ARHGAP42: variants seen among roughly 807,000 people sequenced by gnomAD.
ARHGAP42 encodes the protein rho GTPase-activating protein 42.
ARHGAP42 carries 63 observed loss-of-function variants against 125.0 expected under a neutral mutation model. That is an observed-to-expected ratio of 0.50 (90% CI 0.41 to 0.62). ARHGAP42 has a LOEUF of 0.62. ARHGAP42 is among the 20% of genes least tolerant of loss of function. ARHGAP42 has a pLI of 0.00. For missense variants in ARHGAP42, 766 were observed against 1,024.2 expected (o/e 0.75, Z 3.44); for synonymous variants, 339 against 351.0 (o/e 0.97, Z 0.38).
At chr11:100,978,801 T>C (rs1858457675) in intron 21 of ARHGAP42, among the ~76,000 whole-genome samples, 186 bp from the exon 22 acceptor site, 1 of 152,186 alleles carries the variant, frequency 6.6e-6, no homozygotes, top group Non-Finnish European at 1.5e-5. Flanking sequence ...TGGTACTCTG[T>C]AAGCTGGAGG....
chr11:100,727,262 T>A (rs1861878394), intron 1 of ARHGAP42, among the ~76,000 whole-genome samples: 1 of 152,240 alleles, frequency 6.6e-6, no homozygotes. Context: ...ATATGTGATA[T>A]AATTTAAATA....
chr11:100,770,470 C>A, intron 2 of ARHGAP42, 32 bp downstream of exon 2: 1 of 1,385,244 alleles, frequency 7.2e-7, no homozygotes. Context: ...AGTTCTATTA[C>A]TAATATTTAT....
At chr11:100,712,695 A>G (rs749043456) in intron 1 of ARHGAP42, among the ~76,000 whole-genome samples, 25 of 152,146 alleles carry the variant, frequency 1.6e-4, no homozygotes, top group Admixed American at 4.6e-4. Flanking sequence ...GGGTGAGGGA[A>G]GGAGTTAATG....
intron 1 of ARHGAP42, among the ~76,000 whole-genome samples, chr11:100,704,123 C>CA (rs1394147213): frequency 6.6e-6 from 1 of 152,132 alleles, no homozygotes; most frequent in Non-Finnish European, 1.5e-5. Context: ...TCAGTGAGAA[C>CA]ATTGAATTGA....
chr11:100,928,906 C>T (rs1025723363), intron 6 of ARHGAP42, among the ~76,000 whole-genome samples: 4 of 152,116 alleles, frequency 2.6e-5, no homozygotes, highest in Admixed American at 6.5e-5. Context: ...TACTCAGATG[C>T]GGTTTTCGAG....
chr11:100,976,789 C>T, intron 20 of ARHGAP42, 26 bp from the exon 21 acceptor site: 1 of 1,548,378 alleles, frequency 6.5e-7, no homozygotes, highest in Admixed American at 2.0e-5. Context: ...TAGCACCTTG[C>T]CTATTTTCTT....
At chr11:100,760,750 G>A (rs1862682483) in intron 1 of ARHGAP42, among the ~76,000 whole-genome samples, 1 of 151,884 alleles carries the variant, frequency 6.6e-6, no homozygotes, top group Admixed American at 6.6e-5. Context: ...AACCACAAAT[G>A]TATATGACAC....
At chr11:100,734,746 G>A (rs1862029817) in intron 1 of ARHGAP42, among the ~76,000 whole-genome samples, 1 of 152,178 alleles carries the variant, frequency 6.6e-6, no homozygotes, top group African/African-American at 2.4e-5. Context: ...GAACCAATGT[G>A]ACTTTCTTCT....
intron 4 of ARHGAP42, among the ~76,000 whole-genome samples, chr11:100,887,189 G>A (rs932806844): frequency 6.6e-6 from 1 of 152,158 alleles, no homozygotes; most frequent in South Asian, 2.1e-4. Flanking sequence ...AAAATACTAA[G>A]CATTAAGTTC....
At chr11:100,790,497 G>A (rs1318326551) in intron 2 of ARHGAP42, among the ~76,000 whole-genome samples, 1 of 152,184 alleles carries the variant, frequency 6.6e-6, no homozygotes, top group Non-Finnish European at 1.5e-5. Context: ...TCATGCTCCA[G>A]TTGGACAGGA....
In ARHGAP42 at chr11:100,776,173, G is replaced by T. The variant is rs962341028; in HGVS notation, c.250+5735G>T. On this transcript the variant is annotated intron_variant, in intron 2 of 23. Coordinates refer to ENST00000298815, the MANE Select transcript of ARHGAP42 (RefSeq NM_152432.4). ...AAACTCCATTTCAAAAAAAAAAAAA[G>T]TTAGATATTGTTAGTCAAACTGAAC... Among the ~76,000 whole-genome samples the T allele has an allele frequency of 5.0e-5, 7 of 141,030 alleles. No homozygotes were observed. The Admixed American group carries it at 5.0e-4, about 10-fold the overall frequency. 92.5% of individuals were successfully genotyped at this position (141,030 alleles called of 152,430 possible). A position where few individuals can be genotyped will look rare whatever the true frequency, so the allele number is the denominator to read the frequency against.
In ARHGAP42 at chr11:100,965,658, T is replaced by C. The variant is rs749404220; in HGVS notation, c.1445-13T>C. The C allele has an allele frequency of 1.7e-5, 27 of 1,547,692 alleles. No homozygotes were observed. Among genetic ancestry groups the C allele is most frequent in the South Asian group, 2.4e-5 (2 of 83,878 alleles). On this transcript the variant is annotated splice_polypyrimidine_tract_variant and intron_variant, in intron 16 of 23. Coordinates refer to ENST00000298815, the MANE Select transcript of ARHGAP42 (RefSeq NM_152432.4). ...TTAAAACTTGAGCATTTGCAATCTT[T>C]TTTATGTAACAGAATCTGATGATCA...
chr11:100,961,879 A>C, intron 15 of ARHGAP42, 111 bp downstream of exon 15: 1 of 775,744 alleles, frequency 1.3e-6, no homozygotes, highest in Non-Finnish European at 2.1e-6. Context: ...TCAGTAGCTC[A>C]GTTCCCTTAC....
chr11:100,892,764 T>C (rs1290078734), intron 4 of ARHGAP42, among the ~76,000 whole-genome samples: 5 of 152,226 alleles, frequency 3.3e-5, no homozygotes, highest in Admixed American at 6.5e-5. Context: ...TGGTTTTCCA[T>C]GTACAGCATG....
At chr11:100,895,635 C>T (rs1053724045) in intron 4 of ARHGAP42, among the ~76,000 whole-genome samples, 2 of 151,662 alleles carry the variant, frequency 1.3e-5, no homozygotes, top group African/African-American at 4.8e-5. Context: ...AGAAGGAGTG[C>T]CAGGTGTATT....
rs370307926 is a variant in ARHGAP42, at chr11:100,762,288, T to C, written c.155-8055T>C. Among the ~76,000 whole-genome samples the C allele has an allele frequency of 1.6e-4, 24 of 152,330 alleles. No individual in the cohort carries two copies. The East Asian group carries it at 3.3e-3, about 21-fold the overall frequency. On this transcript the variant is annotated intron_variant, in intron 1 of 23. Coordinates refer to ENST00000298815, the MANE Select transcript of ARHGAP42 (RefSeq NM_152432.4). ...ACAACCATGTTGTTCTAGCTTGGAA[T>C]ACAGCACATTACTGTAGTGACGCAG...
At chr11:100,733,589 C>T (rs1019834688) in intron 1 of ARHGAP42, among the ~76,000 whole-genome samples, 3 of 151,932 alleles carry the variant, frequency 2.0e-5, no homozygotes, top group Non-Finnish European at 2.9e-5. Context: ...TCTGGGCGGC[C>T]GAGGCGGGCA....
chr11:100,772,077 A>G (rs993945458), intron 2 of ARHGAP42, among the ~76,000 whole-genome samples: 2 of 152,058 alleles, frequency 1.3e-5, no homozygotes, highest in African/African-American at 2.4e-5. Flanking sequence ...TTTTTCTTGT[A>G]TAGTTCTACC....
chr11:100,992,553 G>C lies in ARHGAP42; in HGVS notation c.*3752G>C. The C allele has an allele frequency of 6.2e-7, 1 of 1,613,958 alleles. No individual in the cohort carries two copies. Among genetic ancestry groups the C allele is most frequent in the Non-Finnish European group, 8.5e-7 (1 of 1,179,964 alleles). On this transcript the variant is annotated 3_prime_UTR_variant, in exon 24 of 24. Coordinates refer to ENST00000298815, the MANE Select transcript of ARHGAP42 (RefSeq NM_152432.4). Reference sequence around the variant, plus strand: ...TGTCCTGCCTGTCTCCTGTTGATTCGCAGATGTAATATCGAGTATTCATCA... The same window carrying C: ...TGTCCTGCCTGTCTCCTGTTGATTCCCAGATGTAATATCGAGTATTCATCA...
Sources: allele counts gnomAD v4.1 joint callset (sites outside exome capture counted in the v4.1 genomes callset), GRCh38; gene constraint gnomAD v4.1.1; transcripts MANE v1.5; gene names NCBI Gene and HGNC (gene_info 2026-07-23, HGNC 2026-07-21).